Variants in BACE2 observed in about 807,000 individuals in gnomAD.
The protein encoded by BACE2 is beta-secretase 2.
Under a neutral mutation model 46.2 loss-of-function variants are expected in BACE2, and 17 were observed. The ratio of observed to expected loss-of-function variants is 0.37; its 90% CI spans 0.25 to 0.55. The LOEUF is 0.55. Ranked by LOEUF, BACE2 falls within the 20% of genes least tolerant of loss-of-function variation. The probability of loss-of-function intolerance (pLI) is 0.82; values close to 1 mark genes in which losing one functional copy is unlikely to be tolerated. For synonymous variants in BACE2, 277 were observed against 295.9 expected (o/e 0.94, Z 0.66); for missense variants, 595 against 698.1 (o/e 0.85, Z 1.66).
rs192071475 is a variant in BACE2, at chr21:41,281,831, A to T, written c.*6207A>T. The T allele has an allele frequency of 2.1e-3, 327 of 152,228 alleles. 1 individual carries two copies. The highest frequency in any genetic ancestry group is 7.3e-3 in the African/African-American group (305 of 41,548). 9.4% of individuals were successfully genotyped at this position (152,228 alleles called of 1,614,324 possible). A position where few individuals can be genotyped will look rare whatever the true frequency, so the allele number is the denominator to read the frequency against. ...TTTTCCCTCATTTTTCTCATTGTAG[A>T]TGTCATCTCTCACATTTATATCAGT... On this transcript the variant is annotated 3_prime_UTR_variant, in exon 9 of 9. Transcript: ENST00000330333.
chr21:41,271,488 T>C (rs1457366791), intron 8 of BACE2, among the ~76,000 whole-genome samples: 2 of 152,244 alleles, frequency 1.3e-5, no homozygotes, highest in African/African-American at 4.8e-5. Context: ...ATTTAATGTA[T>C]GATTGATATG....
intron 8 of BACE2, among the ~76,000 whole-genome samples, chr21:41,268,800 T>A (rs1010217180): frequency 6.7e-6 from 1 of 148,422 alleles, no homozygotes; most frequent in East Asian, 2.0e-4. Context: ...TTTTATTGGG[T>A]TTTTTTGCAT....
chr21:41,173,557 T>G (rs933338861), intron 1 of BACE2, among the ~76,000 whole-genome samples: 1 of 152,024 alleles, frequency 6.6e-6, no homozygotes, highest in Non-Finnish European at 1.5e-5. Flanking sequence ...CCCAGCCTGG[T>G]CAACATGGTG....
intron 8 of BACE2, among the ~76,000 whole-genome samples, chr21:41,261,312 A>G (rs1351949713): frequency 6.6e-6 from 1 of 152,198 alleles, no homozygotes; most frequent in Non-Finnish European, 1.5e-5. Context: ...TTGCTAATCC[A>G]TGTATGTGCA....
chr21:41,171,068 C>T (rs906740939), intron 1 of BACE2, among the ~76,000 whole-genome samples: 5 of 152,362 alleles, frequency 3.3e-5, no homozygotes, highest in East Asian at 1.9e-4. Flanking sequence ...AGACAGATAA[C>T]GACTTCCTTC....
chr21:41,246,931 T>C (rs1055200633), intron 6 of BACE2, among the ~76,000 whole-genome samples: 2 of 152,166 alleles, frequency 1.3e-5, no homozygotes, highest in African/African-American at 2.4e-5. Context: ...GGAGCTTCCA[T>C]GAAACATGCA....
intron 1 of BACE2, among the ~76,000 whole-genome samples, chr21:41,172,840 A>C (rs1984652317): frequency 6.6e-6 from 1 of 152,218 alleles, no homozygotes; most frequent in Non-Finnish European, 1.5e-5. Context: ...ATAATTCTGC[A>C]GGCCAGAGTT....
chr21:41,209,299 G>A (rs529745914), intron 1 of BACE2, among the ~76,000 whole-genome samples: 4 of 152,314 alleles, frequency 2.6e-5, no homozygotes, highest in Non-Finnish European at 4.4e-5. Context: ...CCACTCGCCC[G>A]AGCCGGGCTG....
At chr21:41,182,634 G>C (rs778662577) in intron 1 of BACE2, 4 of 167,122 alleles carry the variant, frequency 2.4e-5, no homozygotes, top group African/African-American at 4.8e-5. Flanking sequence ...CTGGCTTCTA[G>C]TTCTTGGCTT....
chr21:41,170,154 C>G (rs1276057688), intron 1 of BACE2, among the ~76,000 whole-genome samples: 1 of 150,014 alleles, frequency 6.7e-6, no homozygotes, highest in African/African-American at 2.5e-5. Flanking sequence ...ACCCTCCCTC[C>G]AGAGCAAAGG....
At chr21:41,190,538 G>T (rs924524730) in intron 1 of BACE2, among the ~76,000 whole-genome samples, 1 of 152,200 alleles carries the variant, frequency 6.6e-6, no homozygotes, top group Non-Finnish European at 1.5e-5. Flanking sequence ...TGGTCACGTG[G>T]TTGTAGCCGG....
chr21:41,197,806 A>G (rs1330724933), intron 1 of BACE2, among the ~76,000 whole-genome samples: 5 of 152,188 alleles, frequency 3.3e-5, no homozygotes, highest in Non-Finnish European at 5.9e-5. Flanking sequence ...AGGTAACATC[A>G]TTCATGAGGG....
At chr21:41,194,234 C>T (rs1223119388) in intron 1 of BACE2, among the ~76,000 whole-genome samples, 1 of 150,946 alleles carries the variant, frequency 6.6e-6, no homozygotes, top group African/African-American at 2.4e-5. Context: ...TAACCAATGC[C>T]GGAGCTCTAC....
At chr21:41,227,081 C>T (rs1019815950) in intron 2 of BACE2, among the ~76,000 whole-genome samples, 2 of 152,192 alleles carry the variant, frequency 1.3e-5, no homozygotes, top group African/African-American at 2.4e-5. Flanking sequence ...TGCAGGAGCC[C>T]GTGGGGTCTA....
At chr21:41,229,709 G>C (rs1053575046) in intron 2 of BACE2, among the ~76,000 whole-genome samples, 4 of 152,172 alleles carry the variant, frequency 2.6e-5, no homozygotes, top group African/African-American at 7.2e-5. Context: ...TCTCTTTCAG[G>C]CTACCGTGGG....
At position 41,280,019 on chromosome 21, in the gene BACE2, T is replaced by C. The variant is rs3746889; in HGVS notation, c.*4395T>C. ...TTTTTGGCACAGTCTACTTTTTAGG[T>C]ATTTTGTAAAGGAACTTCTCAGGAT... is the stretch of plus-strand genomic sequence containing the variant. On this transcript the variant is annotated 3_prime_UTR_variant, in exon 9 of 9. Transcript: ENST00000330333. The C allele has an allele frequency of 0.046, 7,061 of 152,262 alleles. 225 individuals carry two copies. The highest frequency in any genetic ancestry group is 0.092 in the Middle Eastern group (27 of 294). The allele number at this position is 152,262 out of a possible 1,614,324, so 9.4% of individuals were successfully genotyped here.
intron 7 of BACE2, 111 bp from the exon 8 acceptor site, chr21:41,257,047 C>A: frequency 8.4e-7 from 1 of 1,188,066 alleles, no homozygotes; most frequent in Admixed American, 2.0e-5. Context: ...TCCCGTGACT[C>A]CCCCCAGCGC....
chr21:41,170,584 C>A (rs899875881), intron 1 of BACE2, among the ~76,000 whole-genome samples: 4 of 152,172 alleles, frequency 2.6e-5, no homozygotes, highest in African/African-American at 9.7e-5. Context: ...CTGTGTTGCC[C>A]TGAAATGTCT....
chr21:41,173,046 G>C (rs1342162203), intron 1 of BACE2, among the ~76,000 whole-genome samples: 1 of 152,134 alleles, frequency 6.6e-6, no homozygotes, highest in Non-Finnish European at 1.5e-5. Flanking sequence ...TTAGATTAGG[G>C]CCTGCCCTCC....
Sources: gnomAD v4.1 joint callset for allele counts (sites outside exome capture counted in the v4.1 genomes callset) on GRCh38, gnomAD v4.1.1 for gene constraint, MANE v1.5 for transcripts, NCBI Gene and HGNC (gene_info 2026-07-23, HGNC 2026-07-21) for gene names.